The following FAM90A20 variants were observed in gnomAD, a reference collection of about 807,000 sequenced individuals.
The protein encoded by FAM90A20 is family with sequence similarity 90 member A20.
chr8:7,297,532 C>A, the FAM90A20 span: 2 of 1,521,634 alleles, frequency 1.3e-6, no homozygotes, highest in Non-Finnish European at 1.8e-6. Flanking sequence ...TTCAGGCTTG[C>A]CTGAACTTCC....
the FAM90A20 span, chr8:7,297,511 C>T: frequency 1.5e-5 from 23 of 1,514,448 alleles, 2 homozygotes; most frequent in Non-Finnish European, 2.1e-5. Flanking sequence ...AGAGACCTGC[C>T]CAGGCTCCGA....
At chr8:7,297,903 C>G in the FAM90A20 span, 2 of 734,266 alleles carry the variant, frequency 2.7e-6, no homozygotes, top group South Asian at 1.5e-5. Flanking sequence ...GCCTTCCTCG[C>G]TCAGAGCCCT....
chr8:7,297,266 C>G, the FAM90A20 span: 3 of 1,413,084 alleles, frequency 2.1e-6, no homozygotes, highest in South Asian at 1.2e-5. Flanking sequence ...CATCCCTCGG[C>G]CTGCAGTCAG....
the FAM90A20 span, among the ~76,000 whole-genome samples, chr8:7,296,627 C>G: frequency 7.4e-6 from 1 of 135,282 alleles, no homozygotes; most frequent in Non-Finnish European, 1.5e-5. Flanking sequence ...CTGCCAACAA[C>G]ACGTTCCTAG....
the FAM90A20 span, chr8:7,297,718 T>A: frequency 6.7e-7 from 1 of 1,489,346 alleles, no homozygotes; most frequent in South Asian, 1.1e-5. Context: ...AACGGCAGCC[T>A]CCGCACCGCA....
chr8:7,297,225 C>G, the FAM90A20 span: 33 of 1,519,434 alleles, frequency 2.2e-5, 2 homozygotes, highest in Admixed American at 5.4e-4. Flanking sequence ...AGTCTTGGAC[C>G]AAAGGAAAGA....
At chr8:7,297,096 G>C in the FAM90A20 span, 1 of 1,503,282 alleles carries the variant, frequency 6.7e-7, no homozygotes, top group Non-Finnish European at 9.0e-7. Context: ...CACACAACCT[G>C]TAAGAGGCCG....
chr8:7,295,302 G>A, the FAM90A20 span, among the ~76,000 whole-genome samples: 1 of 39,720 alleles, frequency 2.5e-5, no homozygotes, highest in South Asian at 8.1e-4. Context: ...CTTCTCCCCG[G>A]CCCGATAGGT....
chr8:7,296,399 T>G, the FAM90A20 span: 6 of 742,334 alleles, frequency 8.1e-6, 2 homozygotes, highest in Non-Finnish European at 1.5e-5. Context: ...TATCTGAGGG[T>G]GAGTGTCACC....
the FAM90A20 span, chr8:7,295,865 G>T: frequency 1.5e-6 from 1 of 678,038 alleles, no homozygotes; most frequent in Non-Finnish European, 2.6e-6. Context: ...CACTCTTAGG[G>T]TACTGCCTCC....
At chr8:7,297,722 C>G in the FAM90A20 span, 2 of 1,494,826 alleles carry the variant, frequency 1.3e-6, no homozygotes, top group Non-Finnish European at 1.8e-6. Context: ...GCAGCCTCCG[C>G]ACCGCAGACC....
chr8:7,296,629 C>G, the FAM90A20 span, among the ~76,000 whole-genome samples: 3 of 135,226 alleles, frequency 2.2e-5, no homozygotes, highest in African/African-American at 3.6e-5. Context: ...GCCAACAACA[C>G]GTTCCTAGCG....
chr8:7,297,717 C>T, the FAM90A20 span: 1,387 of 1,487,084 alleles, frequency 9.3e-4, 124 homozygotes, highest in Non-Finnish European at 1.1e-3. Flanking sequence ...GAACGGCAGC[C>T]TCCGCACCGC....
At chr8:7,297,725 C>T in the FAM90A20 span, 60 of 1,494,156 alleles carry the variant, frequency 4.0e-5, 6 homozygotes, top group African/African-American at 4.0e-5. Context: ...GCCTCCGCAC[C>T]GCAGACCTTG....
At chr8:7,296,757 A>G in the FAM90A20 span, among the ~76,000 whole-genome samples, 12 of 135,330 alleles carry the variant, frequency 8.9e-5, 1 homozygote, top group Admixed American at 3.5e-4. Context: ...GCCTTCGGAA[A>G]GCCATTAGTC....
chr8:7,295,926 G>A, the FAM90A20 span: 2 of 570,882 alleles, frequency 3.5e-6, no homozygotes, highest in Non-Finnish European at 3.0e-6. Context: ...TCCGTCTCCG[G>A]GCCAGGGAAG....
chr8:7,296,431 C>T, the FAM90A20 span: 1 of 723,042 alleles, frequency 1.4e-6, no homozygotes, highest in South Asian at 1.4e-5. Context: ...GTCCTTTTAT[C>T]CTCTAGGTAA....
the FAM90A20 span, chr8:7,297,364 C>G: frequency 2.0e-5 from 30 of 1,472,410 alleles, 2 homozygotes; most frequent in Non-Finnish European, 2.6e-5. Context: ...AGGCTGCCTC[C>G]AAAACCCACG....
chr8:7,297,281 C>T, the FAM90A20 span: 5 of 1,368,064 alleles, frequency 3.7e-6, no homozygotes, highest in East Asian at 9.1e-5. Flanking sequence ...AGTCAGGCAC[C>T]AGGTCCACGA....
Sources: gnomAD v4.1 joint callset for allele counts (sites outside exome capture counted in the v4.1 genomes callset) on GRCh38, gnomAD v4.1.1 for gene constraint, MANE v1.5 for transcripts, NCBI Gene and HGNC (gene_info 2026-07-23, HGNC 2026-07-21) for gene names.